The following TRMT13 variants were observed in gnomAD, a reference collection of about 807,000 sequenced individuals.
TRMT13 encodes the protein tRNA methyltransferase 13, also known as tRNA:m(4)X modification enzyme TRM13 homolog.
In TRMT13, 45 loss-of-function variants were observed where a neutral mutation model predicts 55.9. That is an observed-to-expected ratio of 0.80 (90% CI 0.63 to 1.03). The LOEUF is 1.03. Ranked by LOEUF, TRMT13 falls within the 50% of genes least tolerant of loss-of-function variation. The pLI, the probability that TRMT13 is intolerant of heterozygous loss-of-function variation, is 0.00. For missense variants in TRMT13, 513 were observed against 563.9 expected, an observed-to-expected ratio of 0.91 and a Z score of 0.91; for synonymous variants, 183 against 196.3, an observed-to-expected ratio of 0.93 and a Z score of 0.57.
chr1:100,142,801 C>G lies in TRMT13; in HGVS notation c.670-336C>G, dbSNP rs181777179. 5.8e-3 allele frequency: 1,423 copies of G among 247,264 alleles called. 11 individuals carry two copies. Among genetic ancestry groups the G allele is most frequent in the South Asian group, 0.013 (224 of 16,822 alleles). The allele number at this position is 247,264 out of a possible 1,614,324, so 15.3% of individuals were successfully genotyped here. The stretch of plus-strand genomic sequence containing the variant: ...TCTTTCAGGAGAGCAAGAAGAGGAG[C>G]GAACCAAAAATAGTACACCAGGAGT... On this transcript the variant is annotated intron_variant, in intron 7 of 10. Transcript: ENST00000370141.
At chr1:100,140,808 A>G in intron 6 of TRMT13, 44 bp from the exon 7 acceptor site, 1 of 1,555,044 alleles carries the variant, frequency 6.4e-7, no homozygotes, top group Non-Finnish European at 8.8e-7. Context: ...TTTGAACCAA[A>G]TGTGTTTACT....
chr1:100,140,321 C>A (rs1656436481), intron 5 of TRMT13, 70 bp downstream of exon 5: 1 of 1,552,322 alleles, frequency 6.4e-7, no homozygotes, highest in Non-Finnish European at 8.9e-7. Context: ...TGATACCATT[C>A]TGGTTTAAAA....
Position 100,149,337 on chromosome 1 carries a change from TAATA to T in TRMT13, c.*520_*523del. The T allele has an allele frequency of 6.5e-7, 1 of 1,542,920 alleles. No individual in the cohort carries two copies. Among genetic ancestry groups the T allele is most frequent in the Non-Finnish European group, 8.7e-7 (1 of 1,144,894 alleles). On this transcript the variant is annotated 3_prime_UTR_variant, in exon 11 of 11. Coordinates refer to ENST00000370141, the MANE Select transcript of TRMT13 (RefSeq NM_019083.3). ...CAGACAATTCAGAGATATTCACAAT[TAATA>T]AACACAATTAATTAATGAAGTCACC...
intron 9 of TRMT13, among the ~76,000 whole-genome samples, chr1:100,147,317 G>C (rs532106950): frequency 2.0e-5 from 3 of 152,202 alleles, no homozygotes; most frequent in African/African-American, 4.8e-5. Flanking sequence ...TTCAGTAAAT[G>C]TTTGTTAAAT....
At chr1:100,133,964 C>T (rs912118085) in intron 1 of TRMT13, among the ~76,000 whole-genome samples, 6 of 151,870 alleles carry the variant, frequency 4.0e-5, no homozygotes, top group African/African-American at 1.5e-4. Flanking sequence ...CCCAGCTACT[C>T]GGGAGGCTGA....
rs1353867148 is a variant in TRMT13 at position 100,133,305 on chromosome 1, G to A, written c.137G>A (p.Gly46Glu). The A allele has an allele frequency of 6.2e-7, 1 of 1,614,132 alleles. No individual in the cohort carries two copies. The highest frequency in any genetic ancestry group is 8.5e-7 in the Non-Finnish European group (1 of 1,180,006). The change falls in exon 1 of 11, where the codon GGA becomes GAA. Residue 46 changes from glycine (G) to glutamate (E), a missense_variant. By Grantham distance (98) the Gly-to-Glu change is moderately conservative. Around this residue, in one of 3 missense-constraint regions of TRMT13, gnomAD observed 298 missense variants for 290.3 expected, o/e 1.03. Coordinates refer to ENST00000370141, the MANE Select transcript of TRMT13 (RefSeq NM_019083.3). ...AGKRFCGEHA[G>E]AAEEEDARKR... ...AAAAGATTTTGTGGTGAACACGCTGGAGCCGCGGAGGTGTGGTATCGCCCT... is the reference window on the plus strand; with the variant it reads ...AAAAGATTTTGTGGTGAACACGCTGAAGCCGCGGAGGTGTGGTATCGCCCT...
At position 100,149,403 on chromosome 1, in the gene TRMT13, G is replaced by A. The variant is rs978211441; in HGVS notation, c.*583G>A. ...AGAGCCATACATGTATATATTGTCA[G>A]AATCTGTCCATGACAAACACAAAAC... On this transcript the variant is annotated 3_prime_UTR_variant, in exon 11 of 11. Coordinates refer to ENST00000370141, the MANE Select transcript of TRMT13 (RefSeq NM_019083.3). The A allele has an allele frequency of 8.4e-6, 13 of 1,545,208 alleles. No homozygotes were observed. The highest frequency in any genetic ancestry group is 1.1e-5 in the Non-Finnish European group (13 of 1,145,210).
intron 9 of TRMT13, among the ~76,000 whole-genome samples, chr1:100,145,700 G>T (rs1315733565): frequency 1.3e-5 from 2 of 152,142 alleles, no homozygotes; most frequent in Non-Finnish European, 2.9e-5. Context: ...GGGCACATAG[G>T]AAGACCCCAT....
intron 9 of TRMT13, among the ~76,000 whole-genome samples, chr1:100,145,385 A>G (rs577864685): frequency 6.6e-6 from 1 of 152,306 alleles, no homozygotes; most frequent in East Asian, 1.9e-4. Flanking sequence ...CTTTTGACCT[A>G]CAGTGGCCAT....
rs907102314 is a variant in TRMT13 at position 100,150,452 on chromosome 1, C to T, written c.*1632C>T. On this transcript the variant is annotated 3_prime_UTR_variant, in exon 11 of 11. Coordinates refer to ENST00000370141, the MANE Select transcript of TRMT13 (RefSeq NM_019083.3). The stretch of plus-strand genomic sequence containing the variant: ...TTGTGTCATAAAATTTGTTTTGCAT[C>T]ATTCAACAATTTATGCCCAGAAATA... 2.6e-5 allele frequency: 4 copies of T among 152,154 alleles called. No homozygotes were observed. The highest frequency in any genetic ancestry group is 2.1e-4 in the South Asian group (1 of 4,830). 9.4% of individuals were successfully genotyped at this position (152,154 alleles called of 1,614,324 possible). A position where few individuals can be genotyped will look rare whatever the true frequency, so the allele number is the denominator to read the frequency against.
At position 100,147,773 on chromosome 1, in the gene TRMT13, T is replaced by C. The variant is rs564881569; in HGVS notation, c.818-121T>C. On this transcript the variant is annotated intron_variant, in intron 9 of 10. Coordinates refer to ENST00000370141, the MANE Select transcript of TRMT13 (RefSeq NM_019083.3). ...GATAGTATTATTACAAATATAAAGCTGAGTAGGTTTTTGCTGTTTTTATTG... is the reference window on the plus strand; with the variant it reads ...GATAGTATTATTACAAATATAAAGCCGAGTAGGTTTTTGCTGTTTTTATTG... The C allele has an allele frequency of 3.0e-4, 255 of 845,750 alleles. 1 individual carries two copies. Among genetic ancestry groups the C allele is most frequent in the Non-Finnish European group, 3.9e-4 (222 of 568,584 alleles). 52.4% of individuals were successfully genotyped at this position (845,750 alleles called of 1,614,324 possible). A position where few individuals can be genotyped will look rare whatever the true frequency, so the allele number is the denominator to read the frequency against.
At chr1:100,146,072 T>G (rs1657210956) in intron 9 of TRMT13, among the ~76,000 whole-genome samples, 1 of 152,214 alleles carries the variant, frequency 6.6e-6, no homozygotes, top group Non-Finnish European at 1.5e-5. Flanking sequence ...TTCCATAGAC[T>G]GTACTATTTC....
chr1:100,146,292 C>T (rs1251620542), intron 9 of TRMT13, among the ~76,000 whole-genome samples: 2 of 152,156 alleles, frequency 1.3e-5, no homozygotes, highest in Non-Finnish European at 2.9e-5. Context: ...TTCCACCATG[C>T]TCTGAATTTT....
At chr1:100,145,247 T>C (rs1403185586) in intron 9 of TRMT13, among the ~76,000 whole-genome samples, 1 of 152,240 alleles carries the variant, frequency 6.6e-6, no homozygotes, top group East Asian at 1.9e-4. Flanking sequence ...GCCTAATGCA[T>C]TTCCCAAAAC....
intron 3 of TRMT13, among the ~76,000 whole-genome samples, chr1:100,137,430 T>C (rs553955551): frequency 1.2e-4 from 18 of 152,210 alleles, no homozygotes. Flanking sequence ...ACTGCTGGTG[T>C]CAAGCAGTAC....
intron 3 of TRMT13, 145 bp from the exon 4 acceptor site, chr1:100,139,504 C>G: frequency 3.4e-6 from 2 of 597,010 alleles, no homozygotes; most frequent in Non-Finnish European, 6.1e-6. Context: ...AGTAAATATT[C>G]AATAGTGATT....
At chr1:100,136,012 A>C (rs1237488106) in intron 1 of TRMT13, among the ~76,000 whole-genome samples, 1 of 152,200 alleles carries the variant, frequency 6.6e-6, no homozygotes, top group Non-Finnish European at 1.5e-5. Flanking sequence ...CCTAGTAGCA[A>C]TAGGCTATAC....
Position 100,137,027 on chromosome 1 carries a change from A to G in TRMT13, c.203A>G (p.Tyr68Cys). The G allele has an allele frequency of 1.2e-6, 2 of 1,613,040 alleles. No individual in the cohort carries two copies. The highest frequency in any genetic ancestry group is 1.3e-5 in the African/African-American group (1 of 74,960). Residue 68 changes from tyrosine to cysteine, a missense_variant, in exon 3 of 11, where the codon TAT becomes TGT. Physicochemically the swap from Tyr to Cys is radical, Grantham distance 194. Around this residue, in one of 3 missense-constraint regions of TRMT13, gnomAD observed 298 missense variants for 290.3 expected, o/e 1.03. Coordinates refer to ENST00000370141, the MANE Select transcript of TRMT13 (RefSeq NM_019083.3). Reference protein sequence around the residue: ...LCPLDPKHTVYEDQLAKHLKK... With the variant: ...LCPLDPKHTVCEDQLAKHLKK... ...TTTCTCTTTAAATTTAGCACAGTAT[A>G]TGAAGATCAACTAGCAAAGCATTTG...
rs1450212309 is a variant in TRMT13, at chr1:100,133,216, G to A, written c.48G>A (p.Glu16=). 6 of 1,614,088 alleles carry A rather than the reference G, an allele frequency of 3.7e-6. No individual in the cohort carries two copies. Among genetic ancestry groups the A allele is most frequent in the African/African-American group, 2.7e-5 (2 of 74,924 alleles). Residue 16 remains glutamate (E), a synonymous_variant, in exon 1 of 11, where the codon GAG becomes GAA. Coordinates refer to ENST00000370141, the MANE Select transcript of TRMT13 (RefSeq NM_019083.3). ...TSPHAPGFPA[E]GRCGYYVEKK... Reference sequence around the variant, plus strand: ...CGCACGCGCCTGGTTTTCCAGCTGAGGGTAGATGCGGTTACTATGTGGAAA... The same window carrying A: ...CGCACGCGCCTGGTTTTCCAGCTGAAGGTAGATGCGGTTACTATGTGGAAA...
Sources: gnomAD v4.1 joint callset for allele counts (sites outside exome capture counted in the v4.1 genomes callset) on GRCh38, gnomAD v4.1.1 for gene constraint, gnomAD v4.1.1 regional missense constraint, MANE v1.5 for transcripts, NCBI Gene and HGNC (gene_info 2026-07-23, HGNC 2026-07-21) for gene names.